The following MLIP variants were observed in gnomAD, a reference collection of about 807,000 sequenced individuals.
MLIP encodes the protein muscular LMNA-interacting protein.
A neutral mutation model predicts 84.8 loss-of-function variants in MLIP; 79 were observed. The ratio of observed to expected loss-of-function variants is 0.93; its 90% CI spans 0.78 to 1.12. The LOEUF is 1.12. MLIP is among the 50% of genes most tolerant of loss of function. The pLI, the probability that MLIP is intolerant of heterozygous loss-of-function variation, is 0.00. For synonymous variants in MLIP, 504 were observed against 463.0 expected (o/e 1.09, Z -1.14); for missense variants, 1,257 against 1,160.6 (o/e 1.08, Z -1.21).
chr6:54,049,717 A>G (rs903158672), intron 1 of MLIP, among the ~76,000 whole-genome samples: 1 of 152,188 alleles, frequency 6.6e-6, no homozygotes, highest in Non-Finnish European at 1.5e-5. Flanking sequence ...TTAAAGCATT[A>G]TTCACAATAT....
upstream of MLIP, among the ~76,000 whole-genome samples, chr6:54,106,742 A>G (rs1769046546): frequency 6.6e-6 from 1 of 152,222 alleles, no homozygotes; most frequent in Non-Finnish European, 1.5e-5. Flanking sequence ...ATTAATTCAG[A>G]TTCAGATGTG....
At chr6:54,145,323 A>G (rs1772688313) in intron 4 of MLIP, among the ~76,000 whole-genome samples, 1 of 152,222 alleles carries the variant, frequency 6.6e-6, no homozygotes, top group Non-Finnish European at 1.5e-5. Flanking sequence ...AAAAATTCAT[A>G]TTTAGATCGA....
At chr6:54,225,549 G>C (rs1780520165) in intron 11 of MLIP, among the ~76,000 whole-genome samples, 1 of 152,206 alleles carries the variant, frequency 6.6e-6, no homozygotes, top group South Asian at 2.1e-4. Context: ...TCTGTAGCAA[G>C]TGTAACATTG....
At chr6:54,169,438 T>C in intron 8 of MLIP, 90 bp from the exon 9 acceptor site, 1 of 755,028 alleles carries the variant, frequency 1.3e-6, no homozygotes, top group Non-Finnish European at 2.0e-6. Context: ...AAAGTCTCAA[T>C]TGAGAAGAAG....
intron 8 of MLIP, among the ~76,000 whole-genome samples, chr6:54,166,745 A>G (rs1042772720): frequency 6.6e-6 from 1 of 151,922 alleles, no homozygotes; most frequent in Non-Finnish European, 1.5e-5. Flanking sequence ...CTAACTACAT[A>G]TATGCCGACA....
chr6:54,155,117 G>T (rs748171624), intron 5 of MLIP, among the ~76,000 whole-genome samples: 143 of 152,150 alleles, frequency 9.4e-4, no homozygotes, highest in Middle Eastern at 3.4e-3. Context: ...AACCAATCAT[G>T]TAAAAATATT....
intron 12 of MLIP, among the ~76,000 whole-genome samples, chr6:54,246,378 A>G (rs1782083636): frequency 6.6e-6 from 1 of 152,130 alleles, no homozygotes; most frequent in African/African-American, 2.4e-5. Context: ...TTACCAGTAT[A>G]TAATATCTTT....
chr6:54,246,385 C>G (rs933897973), intron 12 of MLIP, among the ~76,000 whole-genome samples: 1 of 151,980 alleles, frequency 6.6e-6, no homozygotes, highest in Non-Finnish European at 1.5e-5. Context: ...TATATAATAT[C>G]TTTTTTTCTG....
At chr6:54,264,388 T>C (rs1285566493) in intron 13 of MLIP, among the ~76,000 whole-genome samples, 2 of 152,002 alleles carry the variant, frequency 1.3e-5, no homozygotes, top group Non-Finnish European at 2.9e-5. Context: ...ACAAACTAAG[T>C]AATGGCTATG....
At chr6:54,198,881 TG>T (rs1168565554) in intron 10 of MLIP, among the ~76,000 whole-genome samples, 2 of 16,492 alleles carry the variant, frequency 1.2e-4, no homozygotes, top group Non-Finnish European at 6.4e-4. Flanking sequence ...TGTGTGTCTG[TG>T]TGTGTGTGTG....
intron 1 of MLIP, among the ~76,000 whole-genome samples, chr6:54,083,997 C>G (rs1358146722): frequency 1.3e-5 from 2 of 151,994 alleles, no homozygotes; most frequent in Non-Finnish European, 2.9e-5. Context: ...TTAAGTAGAA[C>G]AAACTTGGGA....
intron 1 of MLIP, among the ~76,000 whole-genome samples, chr6:54,096,695 C>T (rs1434207265): frequency 6.6e-6 from 1 of 152,216 alleles, no homozygotes; most frequent in East Asian, 1.9e-4. Context: ...CCTGCCTCTT[C>T]TTCTTACTTC....
At chr6:54,165,022 G>A (rs1241453580) in intron 8 of MLIP, among the ~76,000 whole-genome samples, 5 of 151,944 alleles carry the variant, frequency 3.3e-5, no homozygotes, top group African/African-American at 9.7e-5. Context: ...TAGTTTTTAA[G>A]TTTTTCAGAT....
chr6:54,153,799 C>A (rs912654875), intron 5 of MLIP, among the ~76,000 whole-genome samples: 5 of 146,434 alleles, frequency 3.4e-5, no homozygotes, highest in African/African-American at 1.3e-4. Context: ...TTGCAGTGAG[C>A]CGAGATCGCG....
intron 1 of MLIP, among the ~76,000 whole-genome samples, chr6:54,090,713 GACAC>G: frequency 6.7e-6 from 1 of 149,406 alleles, no homozygotes; most frequent in East Asian, 2.0e-4. Context: ...GAGAGAGAGG[GACAC>G]ACACACACAC....
intron 9 of MLIP, among the ~76,000 whole-genome samples, chr6:54,175,441 C>T (rs1369657936): frequency 6.6e-6 from 1 of 151,774 alleles, no homozygotes; most frequent in East Asian, 1.9e-4. Context: ...TTATAGTTTT[C>T]ATTGTAGAGA....
At chr6:54,220,161 A>T (rs1256103707) in intron 11 of MLIP, among the ~76,000 whole-genome samples, 1 of 152,182 alleles carries the variant, frequency 6.6e-6, no homozygotes, top group Non-Finnish European at 1.5e-5. Flanking sequence ...AATGATTAAA[A>T]CAATTTAAAA....
intron 1 of MLIP, among the ~76,000 whole-genome samples, chr6:54,021,516 A>T (rs765111710): frequency 2.6e-5 from 4 of 152,334 alleles, no homozygotes; most frequent in Admixed American, 6.5e-5. Context: ...TTAAAAATTC[A>T]TCAGTTTATT....
chr6:54,132,041 C>G (rs1184338783), intron 3 of MLIP, among the ~76,000 whole-genome samples: 1 of 152,122 alleles, frequency 6.6e-6, no homozygotes, highest in African/African-American at 2.4e-5. Flanking sequence ...TGGCAATGTT[C>G]TGCACGTAAC....
Sources: gnomAD v4.1 joint callset for allele counts (sites outside exome capture counted in the v4.1 genomes callset) on GRCh38, gnomAD v4.1.1 for gene constraint, MANE v1.5 for transcripts, NCBI Gene and HGNC (gene_info 2026-07-23, HGNC 2026-07-21) for gene names.